PLCB1: variants seen among roughly 807,000 people sequenced by gnomAD.
The protein encoded by PLCB1 is 1-phosphatidylinositol 4,5-bisphosphate phosphodiesterase beta-1.
A neutral mutation model predicts 161.8 loss-of-function variants in PLCB1; 46 were observed. That is an observed-to-expected ratio of 0.28 (90% CI 0.22 to 0.36). The LOEUF (loss-of-function observed/expected upper bound fraction) is 0.36, where lower values mean the gene tolerates loss of function less well. Among genes scored for constraint, PLCB1 ranks in the 10% least tolerant of loss-of-function variants. The pLI, the probability that PLCB1 is intolerant of heterozygous loss-of-function variation, is 1.00. For missense variants in PLCB1, 1,016 were observed against 1,472.5 expected (o/e 0.69, Z 5.07); for synonymous variants, 517 against 503.7 (o/e 1.03, Z -0.35).
At chr20:8,802,387 T>G in intron 31 of PLCB1, 1 of 479,582 alleles carries the variant, frequency 2.1e-6, no homozygotes, top group Middle Eastern at 5.2e-4. Context: ...GTGCTCTCTC[T>G]TCCTGACATA....
intron 27 of PLCB1, among the ~76,000 whole-genome samples, chr20:8,785,742 G>C (rs1983451307): frequency 6.6e-6 from 1 of 152,144 alleles, no homozygotes; most frequent in South Asian, 2.1e-4. Context: ...CTCCAGCTTA[G>C]TCTCAATATT....
At chr20:8,334,831 G>T (rs1248111856) in intron 2 of PLCB1, among the ~76,000 whole-genome samples, 1 of 152,136 alleles carries the variant, frequency 6.6e-6, no homozygotes, top group East Asian at 1.9e-4. Flanking sequence ...ACCTACCTCT[G>T]CCCCATGCTT....
intron 2 of PLCB1, among the ~76,000 whole-genome samples, chr20:8,254,504 GA>G (rs1401554306): frequency 1.3e-5 from 2 of 151,900 alleles, no homozygotes; most frequent in African/African-American, 4.8e-5. Flanking sequence ...CTGGTAACAT[GA>G]GTGACTTTGT....
intron 2 of PLCB1, among the ~76,000 whole-genome samples, chr20:8,322,525 G>A (rs776980257): frequency 7.1e-4 from 103 of 144,568 alleles, no homozygotes; most frequent in Non-Finnish European, 9.9e-4. Context: ...AGTTCTTGCT[G>A]ATAGTGCCCT....
chr20:8,656,130 A>G (rs1989451557), intron 7 of PLCB1, among the ~76,000 whole-genome samples: 1 of 152,036 alleles, frequency 6.6e-6, no homozygotes, highest in African/African-American at 2.4e-5. Context: ...CAACACATCT[A>G]TGTATAATGA....
chr20:8,721,811 T>C (rs1009134059), intron 14 of PLCB1, among the ~76,000 whole-genome samples: 5 of 152,316 alleles, frequency 3.3e-5, no homozygotes, highest in African/African-American at 7.2e-5. Flanking sequence ...CCCCAGCTCC[T>C]AACTTCTTTG....
chr20:8,425,914 T>G (rs999930745), intron 3 of PLCB1, among the ~76,000 whole-genome samples: 1 of 152,194 alleles, frequency 6.6e-6, no homozygotes, highest in Non-Finnish European at 1.5e-5. Context: ...GTGAGAGCAC[T>G]TCTGTGCTGT....
chr20:8,738,827 A>T (rs1980718341), intron 20 of PLCB1, among the ~76,000 whole-genome samples: 1 of 152,228 alleles, frequency 6.6e-6, no homozygotes, highest in Admixed American at 6.5e-5. Flanking sequence ...TGTCTAAAGT[A>T]GCTAAGTAGA....
intron 3 of PLCB1, among the ~76,000 whole-genome samples, chr20:8,506,156 G>A (rs1219423500): frequency 6.6e-6 from 1 of 152,132 alleles, no homozygotes; most frequent in Non-Finnish European, 1.5e-5. Flanking sequence ...GTTTGTGGTC[G>A]CTTTCTTTGG....
chr20:8,456,460 T>C (rs1474931896), intron 3 of PLCB1, among the ~76,000 whole-genome samples: 1 of 152,102 alleles, frequency 6.6e-6, no homozygotes. Flanking sequence ...ATTTTTTTTC[T>C]TTTTTGTCTT....
intron 3 of PLCB1, among the ~76,000 whole-genome samples, chr20:8,554,048 C>A (rs1484953694): frequency 6.6e-6 from 1 of 151,262 alleles, no homozygotes; most frequent in Non-Finnish European, 1.5e-5. Context: ...AGTCATTACA[C>A]CACTATACAT....
At chr20:8,143,886 G>C (rs1004598153) in intron 1 of PLCB1, among the ~76,000 whole-genome samples, 1 of 152,166 alleles carries the variant, frequency 6.6e-6, no homozygotes, top group African/African-American at 2.4e-5. Flanking sequence ...ATTGACATTT[G>C]GTCCCAGTAG....
At chr20:8,822,187 A>G (rs1985465389) in intron 31 of PLCB1, among the ~76,000 whole-genome samples, 1 of 152,218 alleles carries the variant, frequency 6.6e-6, no homozygotes, top group African/African-American at 2.4e-5. Flanking sequence ...ACAACTTTAT[A>G]GAATGAGTTA....
intron 3 of PLCB1, among the ~76,000 whole-genome samples, chr20:8,455,638 C>T (rs1209816239): frequency 6.6e-6 from 1 of 151,708 alleles, no homozygotes; most frequent in African/African-American, 2.4e-5. Context: ...GACAGGGTTT[C>T]ACCATGTTAA....
chr20:8,653,446 T>A (rs988930684), intron 7 of PLCB1: 16 of 151,996 alleles, frequency 1.1e-4, no homozygotes, highest in African/African-American at 3.9e-4. Context: ...CCGTTCATTA[T>A]GAGTGATTTA....
intron 2 of PLCB1, among the ~76,000 whole-genome samples, chr20:8,181,264 A>C (rs2051841061): frequency 1.3e-5 from 2 of 151,152 alleles, no homozygotes; most frequent in South Asian, 4.2e-4. Context: ...AAAAAAAAAA[A>C]AAAAAGAATA....
chr20:8,564,123 T>G (rs1986244178), intron 3 of PLCB1, among the ~76,000 whole-genome samples: 1 of 151,908 alleles, frequency 6.6e-6, no homozygotes, highest in Non-Finnish European at 1.5e-5. Context: ...AACCAAACAG[T>G]GTGGTACTGG....
At chr20:8,254,043 C>G (rs1167883994) in intron 2 of PLCB1, among the ~76,000 whole-genome samples, 2 of 151,906 alleles carry the variant, frequency 1.3e-5, no homozygotes, top group African/African-American at 4.8e-5. Flanking sequence ...TAAATTAACT[C>G]CGGGACTTTG....
intron 3 of PLCB1, among the ~76,000 whole-genome samples, chr20:8,434,824 A>G (rs886077895): frequency 6.6e-6 from 1 of 152,202 alleles, no homozygotes; most frequent in African/African-American, 2.4e-5. Flanking sequence ...AGGCTTCCCC[A>G]CATCGTGGAT....
Sources: allele counts gnomAD v4.1 joint callset (sites outside exome capture counted in the v4.1 genomes callset), GRCh38; gene constraint gnomAD v4.1.1; transcripts MANE v1.5; gene names NCBI Gene and HGNC (gene_info 2026-07-23, HGNC 2026-07-21).